Variants in ZNF626 observed in about 807,000 individuals in gnomAD.
ZNF626 encodes zinc finger protein 626, also known as CTC-513N18.7.
ZNF626 carries 4 observed loss-of-function variants against 11.7 expected under a neutral mutation model. The ratio of observed to expected loss-of-function variants is 0.34; its 90% confidence interval spans 0.17 to 0.78. The LOEUF (loss-of-function observed/expected upper bound fraction) is 0.78. Among genes scored for constraint, ZNF626 ranks in the 30% least tolerant of loss-of-function variants. The pLI is 0.57. For synonymous variants in ZNF626, 179 were observed against 198.6 expected, an observed-to-expected ratio of 0.90 and a Z score of 0.83; for missense variants, 588 against 587.1, an observed-to-expected ratio of 1.00 and a Z score of -0.01.
chr19:20,626,237 C>T (rs1459060038), intron 3 of ZNF626, among the ~76,000 whole-genome samples: 1 of 151,966 alleles, frequency 6.6e-6, no homozygotes, highest in Non-Finnish European at 1.5e-5. Context: ...CTAGTTAAGA[C>T]AATTGATTTC....
intron 1 of ZNF626, among the ~76,000 whole-genome samples, chr19:20,659,393 C>CA (rs1401766362): frequency 6.6e-6 from 1 of 152,124 alleles, no homozygotes; most frequent in African/African-American, 2.4e-5. Context: ...GTGGCCACCA[C>CA]AACTACCAGC....
intron 1 of ZNF626, among the ~76,000 whole-genome samples, chr19:20,652,125 C>T (rs913092003): frequency 1.3e-5 from 2 of 152,080 alleles, no homozygotes; most frequent in Non-Finnish European, 2.9e-5. Context: ...ATTCTCTATC[C>T]AAAGTCCGGT....
chr19:20,620,588 CTG>C lies in ZNF626; in HGVS notation c.*3700_*3701del, dbSNP rs2144756787. ...TTTTCCTTTGAGGAGTCTCATCACT[CTG>C]TCACCCAGGCTGGAGTGCAGCAGCA... On this transcript the variant is annotated 3_prime_UTR_variant, in exon 4 of 4. Transcript: ENST00000601440. 6.6e-6 allele frequency: 1 copy of C among 152,280 alleles called. No individual in the cohort carries two copies. Among genetic ancestry groups the C allele is most frequent in the African/African-American group, 2.4e-5 (1 of 41,564 alleles). The allele number at this position is 152,280 out of a possible 1,614,324, so 9.4% of individuals were successfully genotyped here. A position where few individuals can be genotyped will look rare whatever the true frequency, so the allele number is the denominator to read the frequency against.
chr19:20,656,738 A>G (rs1970209577), intron 1 of ZNF626, among the ~76,000 whole-genome samples: 1 of 152,048 alleles, frequency 6.6e-6, no homozygotes, highest in African/African-American at 2.4e-5. Context: ...GAAAAACCAC[A>G]ATGAGATACC....
In ZNF626 at chr19:20,620,241, A is replaced by G. The variant is rs1019865749; in HGVS notation, c.*4049T>C. The G allele has an allele frequency of 2.0e-5, 3 of 152,208 alleles. No homozygotes were observed. The highest frequency in any genetic ancestry group is 2.9e-5 in the Non-Finnish European group (2 of 68,038). The allele number at this position is 152,208 out of a possible 1,614,324, so 9.4% of individuals were successfully genotyped here. On this transcript the variant is annotated 3_prime_UTR_variant, in exon 4 of 4. Coordinates refer to ENST00000601440, the MANE Select transcript of ZNF626 (RefSeq NM_001076675.3). ...TCCGAGCCATAAGCCATAAAATTTTATATTAATAAATTCCATACAAAGCAG... is the reference window on the plus strand; with the variant it reads ...TCCGAGCCATAAGCCATAAAATTTTGTATTAATAAATTCCATACAAAGCAG...
intron 3 of ZNF626, among the ~76,000 whole-genome samples, chr19:20,635,766 AAT>A (rs1257167624): frequency 8.5e-5 from 13 of 152,196 alleles, no homozygotes; most frequent in African/African-American, 2.9e-4. Flanking sequence ...GCACAAAATT[AAT>A]ATAGATTCAA....
At position 20,646,287 on chromosome 19, in the gene ZNF626, A is replaced by G. The variant is rs782715876; in HGVS notation, c.122T>C (p.Val41Ala). The G allele has an allele frequency of 1.2e-6, 2 of 1,613,826 alleles. No individual in the cohort carries two copies. Among genetic ancestry groups the G allele is most frequent in the South Asian group, 2.2e-5 (2 of 91,048 alleles). ...ACTCAAGTTATCCTCACCAAGGAAG[A>G]CCAGGTTACTGTAGTTCTCTAACAT... The part of the protein sequence containing the change: ...NVMLENYSNL[V>A]FLGITVSKPD... Residue 41 changes from valine (V) to alanine (A), a missense_variant, in exon 2 of 4, where the codon GTC becomes GCC. By Grantham distance (64) the Val-to-Ala change is moderately conservative (BLOSUM62 0). Around this residue, in one of 4 missense-constraint regions of ZNF626, gnomAD observed 524 missense variants for 470.1 expected, o/e 1.11. Transcript: ENST00000601440.
chr19:20,620,846 C>CT lies in ZNF626; in HGVS notation c.*3443dup, dbSNP rs71174719. ...GGCACTGCACATGGCCGTATTTTTT[C>CT]TTTTTTTTTTTGTGACGGAGTCTTG... On this transcript the variant is annotated 3_prime_UTR_variant, in exon 4 of 4. Coordinates refer to ENST00000601440, the MANE Select transcript of ZNF626 (RefSeq NM_001076675.3). The CT allele has an allele frequency of 0.76, 109,832 of 145,426 alleles. 43,314 individuals are homozygous for CT. Among genetic ancestry groups the CT allele is most frequent in the Non-Finnish European group, 0.87 (57,844 of 66,866 alleles). The allele number at this position is 145,426 out of a possible 1,614,324, so 9.0% of individuals were successfully genotyped here. A position where few individuals can be genotyped will look rare whatever the true frequency, so the allele number is the denominator to read the frequency against.
At chr19:20,630,523 G>A (rs537144707) in intron 3 of ZNF626, among the ~76,000 whole-genome samples, 14 of 152,096 alleles carry the variant, frequency 9.2e-5, no homozygotes, top group African/African-American at 2.7e-4. Context: ...TGTATGTGTC[G>A]AGGAATTTAT....
Position 20,645,064 on chromosome 19 carries a change from G to A in ZNF626, c.226+620C>T, listed in dbSNP as rs549112209. On this transcript the variant is annotated intron_variant, in intron 3 of 3. Coordinates refer to ENST00000601440, the MANE Select transcript of ZNF626 (RefSeq NM_001076675.3). The stretch of plus-strand genomic sequence containing the variant: ...ATTCAATAAACTTCCTATTAAAATT[G>A]CAGTGGTACTATTTTCACAATAATG... The A allele has an allele frequency of 3.4e-5, 7 of 204,160 alleles. No individual in the cohort carries two copies. In the East Asian group the frequency reaches 8.0e-4, roughly 23 times the overall value. The allele number at this position is 204,160 out of a possible 1,614,324, so 12.6% of individuals were successfully genotyped here.
intron 1 of ZNF626, among the ~76,000 whole-genome samples, chr19:20,656,649 A>G (rs1289434591): frequency 6.6e-6 from 1 of 151,786 alleles, no homozygotes; most frequent in African/African-American, 2.4e-5. Context: ...GATGCTTGTC[A>G]AAAGAAGACA....
At chr19:20,627,090 G>A (rs528994928) in intron 3 of ZNF626, among the ~76,000 whole-genome samples, 81 of 151,606 alleles carry the variant, frequency 5.3e-4, no homozygotes, top group Admixed American at 1.4e-3. Context: ...AGATAAAAAT[G>A]AGGATAATAA....
At chr19:20,636,418 G>A (rs942737226) in intron 3 of ZNF626, among the ~76,000 whole-genome samples, 5 of 151,838 alleles carry the variant, frequency 3.3e-5, no homozygotes, top group Non-Finnish European at 7.4e-5. Context: ...ATGATGTGAT[G>A]TGACATTCCC....
chr19:20,647,566 A>C lies in ZNF626; in HGVS notation c.4-1161T>G, dbSNP rs1164631829. On this transcript the variant is annotated intron_variant, in intron 1 of 3. Coordinates refer to ENST00000601440, the MANE Select transcript of ZNF626 (RefSeq NM_001076675.3). The stretch of plus-strand genomic sequence containing the variant: ...CAGTGGCGCAGTCTCGGCTCACTGC[A>C]AGCTCCACCTCCCAGGTTCACGCCA... 2.1e-5 allele frequency among the ~76,000 whole-genome samples: 3 copies of C among 142,928 alleles called. No homozygotes were observed. The Admixed American group carries it at 2.3e-4, about 11-fold the overall frequency. The allele number at this position is 142,928 out of a possible 152,430, so 93.8% of individuals were successfully genotyped here.
In ZNF626 at chr19:20,661,436, A is replaced by T. The variant is rs1970267133; in HGVS notation, c.3+8T>A. 6.2e-7 allele frequency: 1 copy of T among 1,612,944 alleles called. No individual in the cohort carries two copies. The highest frequency in any genetic ancestry group is 1.1e-5 in the South Asian group (1 of 90,970). ...TCCTCTCTCGGGATGTCGGACCCTC[A>T]CTCTCACCATTTTTGGCTTCCAGGA... On this transcript the variant is annotated splice_region_variant and intron_variant, in intron 1 of 3. Coordinates refer to ENST00000601440, the MANE Select transcript of ZNF626 (RefSeq NM_001076675.3).
At chr19:20,638,047 G>A (rs1555771089) in intron 3 of ZNF626, among the ~76,000 whole-genome samples, 1 of 151,998 alleles carries the variant, frequency 6.6e-6, no homozygotes, top group African/African-American at 2.4e-5. Context: ...AGGCTAAAAT[G>A]AGAGGATAAT....
At chr19:20,634,481 G>C (rs1362833738) in intron 3 of ZNF626, among the ~76,000 whole-genome samples, 1 of 141,286 alleles carries the variant, frequency 7.1e-6, no homozygotes, top group Non-Finnish European at 1.6e-5. Context: ...TGGAATTAGA[G>C]TATAAAACAA....
At chr19:20,642,906 G>A (rs781848095) in intron 3 of ZNF626, among the ~76,000 whole-genome samples, 3 of 151,812 alleles carry the variant, frequency 2.0e-5, no homozygotes, top group Non-Finnish European at 4.4e-5. Context: ...AGCTACTTGG[G>A]AGGATGAGGC....
chr19:20,652,866 A>G (rs1432479533), intron 1 of ZNF626, among the ~76,000 whole-genome samples: 1 of 152,130 alleles, frequency 6.6e-6, no homozygotes, highest in Non-Finnish European at 1.5e-5. Flanking sequence ...AAAGAAATGG[A>G]GATTTTCTTG....
Sources: allele counts gnomAD v4.1 joint callset (sites outside exome capture counted in the v4.1 genomes callset), GRCh38; gene constraint gnomAD v4.1.1; regional missense constraint gnomAD v4.1.1; transcripts MANE v1.5; gene names NCBI Gene and HGNC (gene_info 2026-07-23, HGNC 2026-07-21).